CEP120: variants seen among roughly 807,000 people sequenced by gnomAD.
CEP120 encodes centrosomal protein of 120 kDa.
Under a neutral mutation model 126.5 loss-of-function variants are expected in CEP120, and 113 were observed. That is an observed-to-expected ratio of 0.89 (90% confidence interval 0.77 to 1.04). The LOEUF is 1.04. Among genes scored for constraint, CEP120 ranks in the 50% least tolerant of loss-of-function variants. The pLI is 0.00. For missense variants in CEP120, 1,230 were observed against 1,155.7 expected (o/e 1.06, Z -0.93); for synonymous variants, 400 against 394.3 (o/e 1.01, Z -0.17).
chr5:123,351,520 A>C (rs1421189543), intron 18 of CEP120, among the ~76,000 whole-genome samples: 1 of 152,184 alleles, frequency 6.6e-6, no homozygotes, highest in Non-Finnish European at 1.5e-5. Flanking sequence ...GGATATATAC[A>C]TAGGCTTCAA....
At chr5:123,366,903 T>C (rs1770505365) in intron 17 of CEP120, among the ~76,000 whole-genome samples, 1 of 151,900 alleles carries the variant, frequency 6.6e-6, no homozygotes, top group African/African-American at 2.4e-5. Context: ...ACCAGGTTTG[T>C]GTCCCCTGTG....
intron 13 of CEP120, among the ~76,000 whole-genome samples, chr5:123,382,510 T>C (rs1035821660): frequency 1.3e-5 from 2 of 152,098 alleles, no homozygotes; most frequent in Admixed American, 1.3e-4. Context: ...TTCCCAATTT[T>C]ACCCAATAAT....
intron 18 of CEP120, among the ~76,000 whole-genome samples, chr5:123,356,413 A>G (rs1769628701): frequency 6.6e-6 from 1 of 152,060 alleles, no homozygotes; most frequent in African/African-American, 2.4e-5. Flanking sequence ...TGCCCATCCT[A>G]TGTTCTTATA....
intron 8 of CEP120, among the ~76,000 whole-genome samples, chr5:123,389,090 G>A (rs1014544241): frequency 2.6e-5 from 4 of 152,152 alleles, no homozygotes; most frequent in African/African-American, 9.7e-5. Context: ...GTGAGTGGCC[G>A]AAGTCACACA....
rs1064796555 is a variant in CEP120, at chr5:123,391,104, A to G, written c.1038+6T>C. 3 of 1,606,402 alleles carry G rather than the reference A, an allele frequency of 1.9e-6. No individual in the cohort carries two copies. Among genetic ancestry groups the G allele is most frequent in the Non-Finnish European group, 2.6e-6 (3 of 1,175,104 alleles). On this transcript the variant is annotated splice_donor_region_variant and intron_variant, in intron 7 of 19. Coordinates refer to ENST00000306467, the MANE Select transcript of CEP120 (RefSeq NM_001375405.1). ...GCCAGGGGAATGAAGGAGGGCCACT[A>G]CTTGCCTGGGAGTCTATGCCTTCTC...
chr5:123,396,894 A>T (rs1772828576), intron 5 of CEP120, among the ~76,000 whole-genome samples: 1 of 152,236 alleles, frequency 6.6e-6, no homozygotes, highest in Non-Finnish European at 1.5e-5. Flanking sequence ...GATCAACTCT[A>T]AGATTGTGGT....
At chr5:123,398,657 CTT>C (rs1282858428) in intron 5 of CEP120, among the ~76,000 whole-genome samples, 10 of 152,172 alleles carry the variant, frequency 6.6e-5, no homozygotes, top group Admixed American at 6.5e-4. Flanking sequence ...GTAATAAATT[CTT>C]TTGTTTCTGA....
At chr5:123,372,888 C>A (rs981863761) in intron 16 of CEP120, 116 bp from the exon 17 acceptor site, 2 of 760,974 alleles carry the variant, frequency 2.6e-6, no homozygotes, top group Non-Finnish European at 2.1e-6. Flanking sequence ...AGTAGAAAAT[C>A]TGGAAAACTG....
At chr5:123,419,763 G>A (rs1774602593) in intron 1 of CEP120, among the ~76,000 whole-genome samples, 1 of 152,058 alleles carries the variant, frequency 6.6e-6, no homozygotes, top group South Asian at 2.1e-4. Context: ...TCAGATGGTG[G>A]GGTACAAAAT....
intron 18 of CEP120, among the ~76,000 whole-genome samples, chr5:123,356,087 T>C (rs1370824717): frequency 6.6e-6 from 1 of 152,182 alleles, no homozygotes; most frequent in East Asian, 1.9e-4. Context: ...CAGATAGTTG[T>C]AGATATGCGG....
intron 4 of CEP120, among the ~76,000 whole-genome samples, chr5:123,406,227 A>G (rs186346342): frequency 6.6e-6 from 1 of 152,222 alleles, no homozygotes; most frequent in Admixed American, 6.5e-5. Context: ...CTGTGAGATA[A>G]CTAAAAACGG....
In CEP120 at chr5:123,389,859, A is replaced by AT. The variant is rs1395345657; in HGVS notation, c.1255+64dup. On this transcript the variant is annotated intron_variant, in intron 8 of 19. Coordinates refer to ENST00000306467, the MANE Select transcript of CEP120 (RefSeq NM_001375405.1). The stretch of plus-strand genomic sequence containing the variant: ...ATAACTCATGAAAGTTCTCATAGTC[A>AT]TTTTTTAGATGGCTGCAAAATGCAA... 1.3e-5 allele frequency: 18 copies of AT among 1,419,548 alleles called. No homozygotes were observed. In the East Asian group the frequency reaches 2.1e-4, roughly 16 times the overall value. 87.9% of individuals were successfully genotyped at this position (1,419,548 alleles called of 1,614,324 possible). A position where few individuals can be genotyped will look rare whatever the true frequency, so the allele number is the denominator to read the frequency against.
intron 6 of CEP120, 139 bp from the exon 7 acceptor site, chr5:123,391,476 C>A: frequency 1.6e-6 from 1 of 643,304 alleles, no homozygotes; most frequent in Non-Finnish European, 2.6e-6. Flanking sequence ...CCTCAAGTGA[C>A]GAAGTAATGA....
Position 123,401,785 on chromosome 5 carries a change from C to T in CEP120, c.464-2501G>A, listed in dbSNP as rs536929161. On this transcript the variant is annotated intron_variant, in intron 4 of 19. Coordinates refer to ENST00000306467, the MANE Select transcript of CEP120 (RefSeq NM_001375405.1). ...AGGACAAATTCATTCTCCATCTCTG[C>T]ACGCTTATTGATCTCATCCTCATAC... is the stretch of plus-strand genomic sequence containing the variant. 1.0e-5 allele frequency: 13 copies of T among 1,264,064 alleles called. 1 individual carries two copies. The South Asian group carries it at 1.2e-4, about 12-fold the overall frequency. The allele number at this position is 1,264,064 out of a possible 1,614,324, so 78.3% of individuals were successfully genotyped here.
intron 4 of CEP120, chr5:123,403,852 G>C (rs533538049): frequency 4.4e-6 from 1 of 227,758 alleles, no homozygotes; most frequent in Admixed American, 5.6e-5. Context: ...GAAAGATCAA[G>C]GAACTATTTC....
At chr5:123,349,906 A>C (rs572535317) in intron 19 of CEP120, 38 bp downstream of exon 19, 1 of 1,593,806 alleles carries the variant, frequency 6.3e-7, no homozygotes, top group African/African-American at 1.3e-5. Flanking sequence ...CCTGAACCAA[A>C]CTTTGGCTTT....
chr5:123,393,520 AAC>A, intron 5 of CEP120, 23 bp from the exon 6 acceptor site: 1 of 1,585,428 alleles, frequency 6.3e-7, no homozygotes, highest in Middle Eastern at 1.7e-4. Context: ...GGAAAAAGAA[AAC>A]AGTTATTACT....
At chr5:123,376,284 A>C (rs1771219223) in intron 16 of CEP120, among the ~76,000 whole-genome samples, 2 of 152,082 alleles carry the variant, frequency 1.3e-5, no homozygotes, top group Non-Finnish European at 1.5e-5. Context: ...TTAAAACTGA[A>C]GGAGGAACAG....
Position 123,364,547 on chromosome 5 carries a change from A to C in CEP120, c.2529T>G (p.His843Gln). ...AAGCTCGTCCCCACTGCTGCTTGTA[A>C]TGCAGTTTAGACTTAGTTGCAGATT... ...KLESATKSKL[H>Q]YKQQWGRALK... The change falls in exon 18 of 20, where the codon CAT becomes CAG. Residue 843 changes from histidine to glutamine, a missense_variant. By Grantham distance (24) the His-to-Gln change is conservative. Transcript: ENST00000306467. The C allele has an allele frequency of 3.1e-6, 5 of 1,607,398 alleles. No homozygotes were observed. The highest frequency in any genetic ancestry group is 4.3e-6 in the Non-Finnish European group (5 of 1,175,592).
Sources: gnomAD v4.1 joint callset for allele counts (sites outside exome capture counted in the v4.1 genomes callset) on GRCh38, gnomAD v4.1.1 for gene constraint, MANE v1.5 for transcripts, NCBI Gene and HGNC (gene_info 2026-07-23, HGNC 2026-07-21) for gene names.